Variants in PRKCH observed in about 807,000 individuals in gnomAD.
PRKCH encodes the protein protein kinase C eta, also known as protein kinase C eta type.
PRKCH carries 28 observed loss-of-function variants against 82.5 expected under a neutral mutation model. The ratio of observed to expected loss-of-function variants is 0.34; its 90% CI spans 0.25 to 0.47. The LOEUF (loss-of-function observed/expected upper bound fraction) is 0.47. PRKCH is among the 20% of genes least tolerant of loss of function. The pLI is 1.00. For missense variants in PRKCH, 705 were observed against 881.8 expected (o/e 0.80, Z 2.54); for synonymous variants, 322 against 327.4 (o/e 0.98, Z 0.18).
intron 1 of PRKCH, chr14:61,277,665 A>G (rs143577620): frequency 6.6e-6 from 1 of 152,344 alleles, no homozygotes; most frequent in African/African-American, 2.4e-5. Flanking sequence ...AGTAAAATGC[A>G]GAAGACTACT....
chr14:61,221,491 T>G (rs1264900430), intron 1 of PRKCH, among the ~76,000 whole-genome samples: 1 of 152,038 alleles, frequency 6.6e-6, no homozygotes, highest in Non-Finnish European at 1.5e-5. Context: ...CTTCCCTCCA[T>G]GTGCCCCCTC....
At chr14:61,285,857 C>T (rs1038019097) in intron 1 of PRKCH, among the ~76,000 whole-genome samples, 1 of 152,184 alleles carries the variant, frequency 6.6e-6, no homozygotes, top group Non-Finnish European at 1.5e-5. Context: ...CAAAAAACTC[C>T]AAAAACGTTA....
chr14:61,489,590 G>A (rs562059955), intron 10 of PRKCH, among the ~76,000 whole-genome samples: 5 of 152,304 alleles, frequency 3.3e-5, no homozygotes, highest in East Asian at 1.9e-4. Context: ...TTGGTTGGAG[G>A]GTCTGGAACC....
intron 1 of PRKCH, among the ~76,000 whole-genome samples, chr14:61,227,612 A>G (rs2044707526): frequency 6.6e-6 from 1 of 151,924 alleles, no homozygotes; most frequent in Non-Finnish European, 1.5e-5. Context: ...ATAAATAAAT[A>G]AATAAATAAA....
chr14:61,545,887 A>G (rs1314755849), intron 12 of PRKCH, among the ~76,000 whole-genome samples: 1 of 152,168 alleles, frequency 6.6e-6, no homozygotes, highest in East Asian at 1.9e-4. Context: ...ACCCTGGCAT[A>G]TAGAGTCCTG....
intron 1 of PRKCH, among the ~76,000 whole-genome samples, chr14:61,243,414 A>G (rs1356064424): frequency 6.6e-6 from 1 of 151,642 alleles, no homozygotes; most frequent in Non-Finnish European, 1.5e-5. Flanking sequence ...AAAAAGAAAA[A>G]AAGTTGAAAT....
intron 1 of PRKCH, among the ~76,000 whole-genome samples, chr14:61,257,328 G>A (rs528695707): frequency 2.0e-5 from 3 of 152,172 alleles, no homozygotes; most frequent in Admixed American, 6.5e-5. Context: ...GAGGTCAGAG[G>A]TCAGGGTTAA....
chr14:61,331,179 A>G (rs1218235129), intron 1 of PRKCH, among the ~76,000 whole-genome samples: 2 of 152,110 alleles, frequency 1.3e-5, no homozygotes, highest in African/African-American at 2.4e-5. Flanking sequence ...ATTTATTTAG[A>G]TATGTAATAA....
intron 9 of PRKCH, among the ~76,000 whole-genome samples, chr14:61,481,284 T>C (rs8008798): frequency 0.23 from 35,384 of 152,012 alleles, 4,930 homozygotes; most frequent in East Asian, 0.41. Flanking sequence ...GTAGTAGATG[T>C]CGTAAAGCCT....
intron 1 of PRKCH, among the ~76,000 whole-genome samples, chr14:61,251,939 A>C (rs1041653105): frequency 6.6e-6 from 1 of 152,008 alleles, no homozygotes; most frequent in African/African-American, 2.4e-5. Context: ...TACTGACTTC[A>C]AGCAATTCTC....
At chr14:61,391,544 G>A (rs1410602555) in intron 2 of PRKCH, among the ~76,000 whole-genome samples, 1 of 152,186 alleles carries the variant, frequency 6.6e-6, no homozygotes, top group African/African-American at 2.4e-5. Context: ...TTTAGCCAGT[G>A]TCATCGTAGC....
intron 1 of PRKCH, among the ~76,000 whole-genome samples, chr14:61,376,843 T>G (rs2046433813): frequency 6.6e-6 from 1 of 152,252 alleles, no homozygotes; most frequent in South Asian, 2.1e-4. Context: ...ATTTCTAGCT[T>G]TACCTTCTAA....
Position 61,433,042 on chromosome 14 carries a change from T to TAA in PRKCH, c.428-10069_428-10068insAA, listed in dbSNP as rs1566879326. ...TCCCTCCCCTCACCCCCCAACCTCT[T>TAA]CAAAAAAAAAAAAAAAAAACTATCA... On this transcript the variant is annotated intron_variant, in intron 2 of 13. Transcript: ENST00000332981. Among the ~76,000 whole-genome samples the TAA allele has an allele frequency of 3.4e-3, 79 of 23,488 alleles. 1 individual carries two copies. The highest frequency in any genetic ancestry group is 0.018 in the African/African-American group (78 of 4,396). 15.4% of individuals were successfully genotyped at this position (23,488 alleles called of 152,430 possible).
At chr14:61,362,829 G>A (rs2046247548) in intron 1 of PRKCH, among the ~76,000 whole-genome samples, 1 of 152,206 alleles carries the variant, frequency 6.6e-6, no homozygotes, top group South Asian at 2.1e-4. Flanking sequence ...CATCTGTCTT[G>A]GAGATGAGGT....
chr14:61,262,155 A>T (rs1211602156), intron 1 of PRKCH, among the ~76,000 whole-genome samples: 1 of 149,204 alleles, frequency 6.7e-6, no homozygotes, highest in Non-Finnish European at 1.5e-5. Context: ...TGGGAAGTGG[A>T]GGTTGCAGTG....
intron 2 of PRKCH, among the ~76,000 whole-genome samples, chr14:61,421,492 T>C (rs116055481): frequency 0.012 from 1,791 of 152,244 alleles, 38 homozygotes; most frequent in African/African-American, 0.041. Context: ...TGCAGCCCCG[T>C]AGGAAAACTT....
At chr14:61,420,662 C>T (rs192916155) in intron 2 of PRKCH, among the ~76,000 whole-genome samples, 181 of 152,264 alleles carry the variant, frequency 1.2e-3, no homozygotes, top group African/African-American at 4.1e-3. Context: ...GTTTTATTTT[C>T]CCAAAAGATC....
chr14:61,316,305 T>A (rs1298306552), intron 1 of PRKCH, among the ~76,000 whole-genome samples: 1 of 152,172 alleles, frequency 6.6e-6, no homozygotes, highest in Non-Finnish European at 1.5e-5. Flanking sequence ...TTCTATTAAA[T>A]GGAATGGGAG....
At chr14:61,350,006 G>A (rs543749970) in intron 1 of PRKCH, among the ~76,000 whole-genome samples, 1 of 152,318 alleles carries the variant, frequency 6.6e-6, no homozygotes, top group African/African-American at 2.4e-5. Context: ...ATATATAGGT[G>A]AATGAGGCAG....
Sources: allele counts gnomAD v4.1 joint callset (sites outside exome capture counted in the v4.1 genomes callset), GRCh38; gene constraint gnomAD v4.1.1; transcripts MANE v1.5; gene names NCBI Gene and HGNC (gene_info 2026-07-23, HGNC 2026-07-21).